Variants in RALGAPA2 observed in about 807,000 individuals in gnomAD.
RALGAPA2 encodes ral GTPase-activating protein subunit alpha-2.
Under a neutral mutation model 230.4 loss-of-function variants are expected in RALGAPA2, and 139 were observed. The observed-to-expected ratio is 0.60, with a 90% CI of 0.53 to 0.69. RALGAPA2 has a LOEUF of 0.69. Ranked by LOEUF, RALGAPA2 falls within the 30% of genes least tolerant of loss-of-function variation. The pLI is 0.00. For synonymous variants in RALGAPA2, 847 were observed against 837.8 expected, an observed-to-expected ratio of 1.01 and a Z score of -0.19; for missense variants, 2,163 against 2,276.0, an observed-to-expected ratio of 0.95 and a Z score of 1.01.
intron 39 of RALGAPA2, among the ~76,000 whole-genome samples, chr20:20,396,447 C>T (rs540093737): frequency 2.0e-5 from 3 of 152,358 alleles, no homozygotes; most frequent in African/African-American, 7.2e-5. Context: ...AGACATTTTC[C>T]GGGATGGCAG....
chr20:20,474,072 G>A (rs1419391901), intron 36 of RALGAPA2, among the ~76,000 whole-genome samples: 1 of 152,168 alleles, frequency 6.6e-6, no homozygotes, highest in Non-Finnish European at 1.5e-5. Context: ...ATAAAGCAGG[G>A]AAGAGCAATA....
intron 20 of RALGAPA2, among the ~76,000 whole-genome samples, chr20:20,577,671 G>T (rs2064860808): frequency 1.3e-5 from 2 of 152,042 alleles, no homozygotes; most frequent in South Asian, 4.1e-4. Flanking sequence ...AGTCTGAAAA[G>T]GTATGCTGAA....
At chr20:20,660,861 ACACCAGTCTTGTTGAACAAAGGTTATT>A (rs1434552210) in intron 3 of RALGAPA2, among the ~76,000 whole-genome samples, 8 of 152,108 alleles carry the variant, frequency 5.3e-5, no homozygotes, top group Non-Finnish European at 1.2e-4. Context: ...TCTGCAACTA[ACACCAGTCTTGTTGAACAAAGGTTATT>A]ATGTACCTCC....
At chr20:20,601,169 C>G (rs886414244) in intron 16 of RALGAPA2, among the ~76,000 whole-genome samples, 3 of 152,046 alleles carry the variant, frequency 2.0e-5, no homozygotes, top group African/African-American at 7.2e-5. Context: ...GCAAAGTAGT[C>G]CAATTAACTG....
rs1446895723 is a variant in RALGAPA2 at position 20,565,228 on chromosome 20, C to G, written c.3156+6230G>C. On this transcript the variant is annotated intron_variant, in intron 23 of 39. Transcript: ENST00000202677. ...TCCTAATTCTTTACCTTTCCTGGAA[C>G]TGAATACTCACTTATGTTTCACCTT... Among the ~76,000 whole-genome samples, 6 of 152,226 alleles carry G rather than the reference C, an allele frequency of 3.9e-5. No individual in the cohort carries two copies. The East Asian group carries it at 9.6e-4, about 24-fold the overall frequency.
intron 3 of RALGAPA2, among the ~76,000 whole-genome samples, chr20:20,656,328 C>T (rs1464248489): frequency 6.6e-6 from 1 of 152,190 alleles, no homozygotes; most frequent in Non-Finnish European, 1.5e-5. Context: ...ATATGCACAA[C>T]TAGTTCTAAA....
intron 3 of RALGAPA2, among the ~76,000 whole-genome samples, chr20:20,665,793 A>T (rs2067939829): frequency 6.6e-6 from 1 of 152,206 alleles, no homozygotes; most frequent in Non-Finnish European, 1.5e-5. Flanking sequence ...CATGCTATAG[A>T]GATAAAGGAT....
chr20:20,476,052 A>G (rs1341252408), intron 36 of RALGAPA2, among the ~76,000 whole-genome samples: 1 of 152,184 alleles, frequency 6.6e-6, no homozygotes, highest in Non-Finnish European at 1.5e-5. Flanking sequence ...GAAAACTACC[A>G]AACAGTGATG....
chr20:20,640,858 C>G lies in RALGAPA2; in HGVS notation c.393G>C (p.Arg131Ser), dbSNP rs774951808. ...NSIKIRCEGI[R>S]LFLLWLQALQ... ...GTGCTTGAAGCCACAGAAGAAACAG[C>G]CTGATTCCTTCACATCTTATCTAAA... The change falls in exon 6 of 40, where the codon AGG becomes AGC. Residue 131 changes from arginine to serine, a missense_variant. Physicochemically the swap from Arg to Ser is moderately radical, Grantham distance 110. Transcript: ENST00000202677. 3.1e-6 allele frequency: 5 copies of G among 1,612,466 alleles called. No individual in the cohort carries two copies. The Admixed American group carries it at 5.0e-5, about 16-fold the overall frequency.
At chr20:20,643,020 T>A (rs1171523374) in intron 5 of RALGAPA2, among the ~76,000 whole-genome samples, 1 of 152,206 alleles carries the variant, frequency 6.6e-6, no homozygotes, top group Admixed American at 6.5e-5. Flanking sequence ...AACCTATAAA[T>A]CTGCCACAAA....
At position 20,607,990 on chromosome 20, in the gene RALGAPA2, T is replaced by G. The variant is rs573103084; in HGVS notation, c.1801-2578A>C. Among the ~76,000 whole-genome samples, 7 of 152,224 alleles carry G rather than the reference T, an allele frequency of 4.6e-5. No homozygotes were observed. The South Asian group carries it at 1.5e-3, about 32-fold the overall frequency. ...GGGTGTCCTTTTAATCAATTACCAT[T>G]TTCTAAAAGGAAGAGGGAAACAAAC... is the stretch of plus-strand genomic sequence containing the variant. On this transcript the variant is annotated intron_variant, in intron 14 of 39. Coordinates refer to ENST00000202677, the MANE Select transcript of RALGAPA2 (RefSeq NM_020343.4).
intron 38 of RALGAPA2, among the ~76,000 whole-genome samples, chr20:20,407,682 CAG>C (rs2059974578): frequency 6.6e-6 from 1 of 152,342 alleles, no homozygotes; most frequent in African/African-American, 2.4e-5. Context: ...TGACACCAGG[CAG>C]AGTCTTCTGG....
At chr20:20,641,198 A>C (rs1376859641) in intron 5 of RALGAPA2, among the ~76,000 whole-genome samples, 1 of 152,198 alleles carries the variant, frequency 6.6e-6, no homozygotes, top group Admixed American at 6.5e-5. Context: ...TTTACCACAA[A>C]AGACTATGAT....
At chr20:20,573,123 C>A in intron 20 of RALGAPA2, 55 bp from the exon 21 acceptor site, 1 of 1,361,168 alleles carries the variant, frequency 7.3e-7, no homozygotes, top group Non-Finnish European at 9.7e-7. Context: ...TTCATCATAC[C>A]TTTTTTCTTT....
At chr20:20,651,405 T>C (rs1475830278) in intron 4 of RALGAPA2, among the ~76,000 whole-genome samples, 2 of 152,224 alleles carry the variant, frequency 1.3e-5, no homozygotes, top group East Asian at 3.8e-4. Context: ...TTCTGAAATA[T>C]TATTCATTCT....
chr20:20,697,563 GA>G (rs1267170513), intron 1 of RALGAPA2, among the ~76,000 whole-genome samples: 1 of 152,140 alleles, frequency 6.6e-6, no homozygotes, highest in East Asian at 1.9e-4. Context: ...GGAAAGACAG[GA>G]GCCAGAATGA....
chr20:20,585,096 T>C (rs753940724), intron 18 of RALGAPA2, 141 bp from the exon 19 acceptor site: 5 of 527,134 alleles, frequency 9.5e-6, no homozygotes, highest in African/African-American at 5.8e-5. Flanking sequence ...ATTTGAAGGA[T>C]ATGTTTTCAC....
At chr20:20,432,540 C>T (rs1343113385) in intron 37 of RALGAPA2, among the ~76,000 whole-genome samples, 1 of 152,100 alleles carries the variant, frequency 6.6e-6, no homozygotes, top group Non-Finnish European at 1.5e-5. Context: ...CCACCTAATC[C>T]CCCTGAGTGG....
rs1224782259 is a variant in RALGAPA2, at chr20:20,520,995, G to A, written c.4006C>T (p.Leu1336=). 1 of 1,613,950 alleles carries A rather than the reference G, an allele frequency of 6.2e-7. No individual in the cohort carries two copies. ...SSTDYDPFLP[L]ANVKSSEPVQ... is the part of the protein sequence containing the mutation. ...GGCTCAGAGCTCTTCACATTTGCCAGTGGCAGGAAGGGGTCATAATCCGTG... is the reference window on the plus strand; with the variant it reads ...GGCTCAGAGCTCTTCACATTTGCCAATGGCAGGAAGGGGTCATAATCCGTG... The change falls in exon 31 of 40, where the codon CTG becomes TTG. Residue 1336 remains leucine, a synonymous_variant. Coordinates refer to ENST00000202677, the MANE Select transcript of RALGAPA2 (RefSeq NM_020343.4).
Sources: allele counts gnomAD v4.1 joint callset (sites outside exome capture counted in the v4.1 genomes callset), GRCh38; gene constraint gnomAD v4.1.1; transcripts MANE v1.5; gene names NCBI Gene and HGNC (gene_info 2026-07-23, HGNC 2026-07-21).